The following PCBP3 variants were observed in gnomAD, a reference collection of about 807,000 sequenced individuals.
The protein encoded by PCBP3 is poly(rC) binding protein 3.
A neutral mutation model predicts 52.7 loss-of-function variants in PCBP3; 25 were observed. That is an observed-to-expected ratio of 0.47 (90% confidence interval 0.35 to 0.66). The LOEUF (loss-of-function observed/expected upper bound fraction) is 0.66, where lower values mean the gene tolerates loss of function less well. PCBP3 is among the 30% of genes least tolerant of loss of function. PCBP3 has a pLI of 0.01. For synonymous variants in PCBP3, 162 were observed against 183.0 expected (o/e 0.89, Z 0.93); for missense variants, 391 against 490.3 (o/e 0.80, Z 1.91).
At chr21:45,739,796 C>T (rs1353976173) in intron 3 of PCBP3, among the ~76,000 whole-genome samples, 2 of 152,130 alleles carry the variant, frequency 1.3e-5, no homozygotes, top group East Asian at 1.9e-4. Flanking sequence ...TGGGTGGCCT[C>T]CCCATCTTCA....
rs554941762 is a variant in PCBP3, at chr21:45,881,059, C to T, written c.11-15149C>T. On this transcript the variant is annotated intron_variant, in intron 5 of 17. Transcript: ENST00000681687. Reference sequence around the variant, plus strand: ...GCCACAGCTGTGGCTGCTTTCCTGGCTGGCCTTCATCAAGCTGAGCGAGTT... The same window carrying T: ...GCCACAGCTGTGGCTGCTTTCCTGGTTGGCCTTCATCAAGCTGAGCGAGTT... Among the ~76,000 whole-genome samples the T allele has an allele frequency of 3.2e-4, 49 of 152,324 alleles. 1 individual carries two copies. Among genetic ancestry groups the T allele is most frequent in the African/African-American group, 1.2e-3 (48 of 41,574 alleles).
chr21:45,887,647 A>G (rs2095552824), intron 5 of PCBP3, among the ~76,000 whole-genome samples: 1 of 152,268 alleles, frequency 6.6e-6, no homozygotes, highest in Admixed American at 6.5e-5. Flanking sequence ...GCACCCAGGC[A>G]AACAGCGTCG....
At position 45,826,258 on chromosome 21, in the gene PCBP3, C is replaced by CAAAAA. The variant is rs10679763; in HGVS notation, c.-125-23692_-125-23688dup. ...GGGCAACAAGAGTGAAACTCTGTCT[C>CAAAAA]AAAAAAAAAAAAAAATTAAATTAAA... On this transcript the variant is annotated intron_variant, in intron 4 of 17. Transcript: ENST00000681687. Among the ~76,000 whole-genome samples the CAAAAA allele has an allele frequency of 1.3e-3, 167 of 129,950 alleles. 1 individual carries two copies. The highest frequency in any genetic ancestry group is 4.2e-3 in the African/African-American group (150 of 35,338). 85.3% of individuals were successfully genotyped at this position (129,950 alleles called of 152,430 possible). A position where few individuals can be genotyped will look rare whatever the true frequency, so the allele number is the denominator to read the frequency against.
rs1298987660 is a variant in PCBP3 at position 45,928,101 on chromosome 21, C to A, written c.718-1816C>A. On this transcript the variant is annotated intron_variant, in intron 13 of 17. Coordinates refer to ENST00000681687, the MANE Select transcript of PCBP3 (RefSeq NM_001384156.1). This position sits in a 1 kb window ranked among gnomAD's most constrained non-coding sequence, Gnocchi z 4.1. ...CCTGACGTGCCCCGTCCAGGTGGGG[C>A]GCCTTCACTAGGACCCCAGATGCGC... Among the ~76,000 whole-genome samples, 1 of 152,232 alleles carries A rather than the reference C, an allele frequency of 6.6e-6. No individual in the cohort carries two copies. Among genetic ancestry groups the A allele is most frequent in the Non-Finnish European group, 1.5e-5 (1 of 68,030 alleles).
At chr21:45,740,681 A>G (rs1454554721) in intron 3 of PCBP3, among the ~76,000 whole-genome samples, 3 of 151,352 alleles carry the variant, frequency 2.0e-5, no homozygotes, top group African/African-American at 4.9e-5. Flanking sequence ...GTCTGTGTGT[A>G]CACATGCGTG....
At chr21:45,653,392 T>C (rs2079811718) in intron 1 of PCBP3, among the ~76,000 whole-genome samples, 1 of 152,160 alleles carries the variant, frequency 6.6e-6, no homozygotes, top group South Asian at 2.1e-4. Flanking sequence ...TATGTATAAA[T>C]TTTTGAGACT....
At chr21:45,849,333 G>T (rs1417048157) in intron 4 of PCBP3, among the ~76,000 whole-genome samples, 2 of 151,926 alleles carry the variant, frequency 1.3e-5, no homozygotes, top group Non-Finnish European at 2.9e-5. Context: ...AGCCTCCGGA[G>T]TAGCTGGGAT....
intron 5 of PCBP3, among the ~76,000 whole-genome samples, chr21:45,895,946 A>C (rs1177839883): frequency 1.3e-5 from 2 of 152,204 alleles, no homozygotes; most frequent in Non-Finnish European, 2.9e-5. Flanking sequence ...GCAGATGCAG[A>C]CCTCGGCCAG....
Position 45,829,704 on chromosome 21 carries a change from C to G in PCBP3, c.-125-20257C>G, listed in dbSNP as rs540749115. 2.0e-5 allele frequency: 3 copies of G among 152,462 alleles called. No homozygotes were observed. The East Asian group carries it at 5.8e-4, about 29-fold the overall frequency. The allele number at this position is 152,462 out of a possible 1,614,324, so 9.4% of individuals were successfully genotyped here. Reference sequence around the variant, plus strand: ...TGTTAATGCCGTGCAGCTGGCTACACCCGGTGCGAAGGGAATCCCCGCTGT... The same window carrying G: ...TGTTAATGCCGTGCAGCTGGCTACAGCCGGTGCGAAGGGAATCCCCGCTGT... On this transcript the variant is annotated intron_variant, in intron 4 of 17. Transcript: ENST00000681687. This position sits in a 1 kb window ranked among gnomAD's most constrained non-coding sequence, Gnocchi z 5.2.
At chr21:45,657,535 G>A (rs1287716817) in intron 1 of PCBP3, among the ~76,000 whole-genome samples, 1 of 152,184 alleles carries the variant, frequency 6.6e-6, no homozygotes, top group African/African-American at 2.4e-5. Flanking sequence ...GCAGCACACA[G>A]TCTTGATTAT....
intron 4 of PCBP3, among the ~76,000 whole-genome samples, chr21:45,823,851 C>T (rs989349890): frequency 2.0e-5 from 3 of 152,118 alleles, no homozygotes; most frequent in Non-Finnish European, 4.4e-5. Context: ...CAGCAATTCT[C>T]CTGCCTCAGC....
chr21:45,902,143 C>G (rs778943736), intron 9 of PCBP3, among the ~76,000 whole-genome samples: 12 of 152,122 alleles, frequency 7.9e-5, no homozygotes, highest in Non-Finnish European at 1.8e-4. Flanking sequence ...GAGGAGTGTG[C>G]GAGGCCTTTT....
chr21:45,756,820 G>A (rs2088096497), intron 4 of PCBP3, among the ~76,000 whole-genome samples: 1 of 152,146 alleles, frequency 6.6e-6, no homozygotes, highest in South Asian at 2.1e-4. Flanking sequence ...GCATGTTATG[G>A]TATGTATTAG....
chr21:45,835,771 G>A (rs1383449176), intron 4 of PCBP3, among the ~76,000 whole-genome samples: 3 of 152,254 alleles, frequency 2.0e-5, no homozygotes, highest in East Asian at 3.9e-4. Flanking sequence ...ACACCTGCCA[G>A]CTTGGGCCAG....
At chr21:45,747,494 G>A (rs1160424298) in intron 3 of PCBP3, among the ~76,000 whole-genome samples, 2 of 152,254 alleles carry the variant, frequency 1.3e-5, no homozygotes, top group African/African-American at 2.4e-5. Context: ...AGGTGCTGCT[G>A]CAGTGACAGT....
rs544748231 is a variant in PCBP3, at chr21:45,800,627, C to T, written c.-126+45175C>T. Among the ~76,000 whole-genome samples, 55 of 152,310 alleles carry T rather than the reference C, an allele frequency of 3.6e-4. 1 individual carries two copies. The highest frequency in any genetic ancestry group is 8.3e-4 in the South Asian group (4 of 4,832). On this transcript the variant is annotated intron_variant, in intron 4 of 17. Coordinates refer to ENST00000681687, the MANE Select transcript of PCBP3 (RefSeq NM_001384156.1). This position sits in a 1 kb window ranked among gnomAD's most constrained non-coding sequence, Gnocchi z 5.3. ...CTGCCCTGGTCACCTGCCACCCCTT[C>T]GTGCTGGGCCCTTGGGCCAAGCACC...
At chr21:45,870,113 C>CT (rs1212354744) in intron 5 of PCBP3, among the ~76,000 whole-genome samples, 4 of 152,066 alleles carry the variant, frequency 2.6e-5, no homozygotes, top group Non-Finnish European at 5.9e-5. Context: ...ATTTTAACTA[C>CT]TTTTATCATT....
intron 16 of PCBP3, among the ~76,000 whole-genome samples, chr21:45,936,668 G>T (rs1272599644): frequency 6.6e-6 from 1 of 152,220 alleles, no homozygotes; most frequent in South Asian, 2.1e-4. Context: ...AAGCCACCAG[G>T]CTTTTCCTGT....
chr21:45,859,484 G>A (rs1006938561), intron 5 of PCBP3, among the ~76,000 whole-genome samples: 5 of 152,206 alleles, frequency 3.3e-5, no homozygotes, highest in Admixed American at 2.0e-4. Flanking sequence ...CTCCCAGGTT[G>A]CCCAGGAAAC....
Sources: allele counts gnomAD v4.1 joint callset (sites outside exome capture counted in the v4.1 genomes callset), GRCh38; gene constraint gnomAD v4.1.1; non-coding constraint Gnocchi (gnomAD v3.1); transcripts MANE v1.5; gene names NCBI Gene and HGNC (gene_info 2026-07-23, HGNC 2026-07-21).